Variants in TYW1 observed in about 807,000 individuals in gnomAD.
The protein encoded by TYW1 is S-adenosyl-L-methionine-dependent tRNA 4-demethylwyosine synthase TYW1.
In TYW1, 46 loss-of-function variants were observed where a neutral mutation model predicts 96.2. The ratio of observed to expected loss-of-function variants is 0.48; its 90% confidence interval spans 0.38 to 0.61. The LOEUF is 0.61. TYW1 is among the 20% of genes least tolerant of loss of function. The probability of loss-of-function intolerance (pLI) is 0.00; values close to 1 mark genes in which losing one functional copy is unlikely to be tolerated. For synonymous variants in TYW1, 274 were observed against 323.0 expected (o/e 0.85, Z 1.63); for missense variants, 684 against 909.6 (o/e 0.75, Z 3.19).
chr7:67,010,641 A>G (rs1410064096), intron 4 of TYW1, among the ~76,000 whole-genome samples: 1 of 151,684 alleles, frequency 6.6e-6, no homozygotes, highest in East Asian at 2.0e-4. Context: ...ACACCCGACA[A>G]ATTTTTTGTA....
chr7:67,226,209 T>C lies in TYW1; in HGVS notation c.1978-12099T>C, dbSNP rs185551980. Among the ~76,000 whole-genome samples the C allele has an allele frequency of 3.2e-3, 489 of 152,288 alleles. 5 individuals carry two copies. Among genetic ancestry groups the C allele is most frequent in the East Asian group, 5.4e-3 (28 of 5,180 alleles). On this transcript the variant is annotated intron_variant, in intron 15 of 15. Transcript: ENST00000359626. ...ACTTTGGGAGGAATTTAGTTTATAG[T>C]TTATAATTTAAAACAAAGATGATAA...
At chr7:67,070,501 G>A (rs1382510952) in intron 10 of TYW1, among the ~76,000 whole-genome samples, 1 of 151,844 alleles carries the variant, frequency 6.6e-6, no homozygotes, top group Non-Finnish European at 1.5e-5. Flanking sequence ...CTTCACTGAG[G>A]TTTTTCTTTG....
chr7:67,003,889 C>A (rs1376838942), intron 3 of TYW1, among the ~76,000 whole-genome samples: 1 of 151,508 alleles, frequency 6.6e-6, no homozygotes, highest in Non-Finnish European at 1.5e-5. Context: ...CTAAAAAATA[C>A]AAAAATTAGC....
At chr7:67,098,509 T>C (rs748367547) in intron 11 of TYW1, 32 bp from the exon 12 acceptor site, 3 of 1,520,404 alleles carry the variant, frequency 2.0e-6, no homozygotes, top group East Asian at 2.3e-5. Flanking sequence ...CTGTGCCTTA[T>C]GTAGCTGGGT....
intron 15 of TYW1, among the ~76,000 whole-genome samples, chr7:67,209,539 G>GT (rs1800927120): frequency 6.6e-6 from 1 of 152,030 alleles, no homozygotes; most frequent in Admixed American, 6.6e-5. Flanking sequence ...ACATAGCAGT[G>GT]TTTCAAAACT....
chr7:67,231,552 T>C (rs1801748521), intron 15 of TYW1, among the ~76,000 whole-genome samples: 2 of 152,248 alleles, frequency 1.3e-5, no homozygotes, highest in Non-Finnish European at 2.9e-5. Context: ...ACGCATTTGA[T>C]TTGGATATAG....
rs564630098 is a variant in TYW1, at chr7:67,082,989, T to A, written c.1275-441T>A. Among the ~76,000 whole-genome samples, 176 of 149,482 alleles carry A rather than the reference T, an allele frequency of 1.2e-3. 1 individual carries two copies. Among genetic ancestry groups the A allele is most frequent in the African/African-American group, 4.2e-3 (170 of 40,818 alleles). ...GGTCCCAGGTGGAGGTTCTTGTCCTTTCCCCAGGCCTGCATCAGGAGAAAC... is the reference window on the plus strand; with the variant it reads ...GGTCCCAGGTGGAGGTTCTTGTCCTATCCCCAGGCCTGCATCAGGAGAAAC... On this transcript the variant is annotated intron_variant, in intron 10 of 15. Transcript: ENST00000359626.
At chr7:67,135,771 G>A (rs891871340) in intron 13 of TYW1, among the ~76,000 whole-genome samples, 1 of 152,154 alleles carries the variant, frequency 6.6e-6, no homozygotes, top group Non-Finnish European at 1.5e-5. Flanking sequence ...AGTTCCTTGT[G>A]TCTGACCTGG....
chr7:67,041,625 G>T (rs530018308), intron 7 of TYW1, among the ~76,000 whole-genome samples: 2 of 152,084 alleles, frequency 1.3e-5, no homozygotes, highest in African/African-American at 2.4e-5. Flanking sequence ...TTTGGGGCTG[G>T]CTCACACATT....
chr7:67,213,323 G>A (rs1322606734), intron 15 of TYW1, among the ~76,000 whole-genome samples: 1 of 152,168 alleles, frequency 6.6e-6, no homozygotes. Context: ...TCATGCCACT[G>A]TGCCTGGCTT....
intron 15 of TYW1, among the ~76,000 whole-genome samples, chr7:67,214,817 G>C (rs574776689): frequency 6.8e-6 from 1 of 146,596 alleles, no homozygotes; most frequent in South Asian, 2.2e-4. Context: ...ATTGATTTTT[G>C]AATGTTGAAC....
At chr7:67,193,415 C>T (rs1186208924) in intron 14 of TYW1, among the ~76,000 whole-genome samples, 1 of 152,094 alleles carries the variant, frequency 6.6e-6, no homozygotes, top group Non-Finnish European at 1.5e-5. Context: ...CATCCAAGTC[C>T]CAGCTCTGTC....
intron 3 of TYW1, among the ~76,000 whole-genome samples, chr7:66,999,423 C>T (rs1240271754): frequency 1.2e-4 from 19 of 152,066 alleles, no homozygotes; most frequent in African/African-American, 3.9e-4. Context: ...GGCACGATCT[C>T]GGCTCACTGC....
intron 13 of TYW1, among the ~76,000 whole-genome samples, chr7:67,152,248 G>A (rs1338405486): frequency 6.6e-6 from 1 of 152,064 alleles, no homozygotes; most frequent in Admixed American, 6.6e-5. Flanking sequence ...GAAAAAGTTA[G>A]CTGACCCCTG....
intron 13 of TYW1, among the ~76,000 whole-genome samples, chr7:67,175,400 A>G (rs1799641076): frequency 6.6e-6 from 1 of 152,044 alleles, no homozygotes; most frequent in African/African-American, 2.4e-5. Context: ...CGAACTCCCA[A>G]CCTCAGGTGA....
intron 5 of TYW1, among the ~76,000 whole-genome samples, chr7:67,017,501 T>C (rs1449701327): frequency 1.3e-5 from 2 of 152,212 alleles, no homozygotes; most frequent in Non-Finnish European, 2.9e-5. Flanking sequence ...TTTGTTACAT[T>C]TTTGGAACTC....
chr7:67,228,066 G>A (rs993995755), intron 15 of TYW1, among the ~76,000 whole-genome samples: 1 of 152,198 alleles, frequency 6.6e-6, no homozygotes, highest in African/African-American at 2.4e-5. Context: ...ACTGCAATGT[G>A]GGAGTAGCTC....
At chr7:67,111,944 A>G (rs1027880142) in intron 12 of TYW1, among the ~76,000 whole-genome samples, 8 of 151,858 alleles carry the variant, frequency 5.3e-5, no homozygotes, top group African/African-American at 1.9e-4. Flanking sequence ...TAAAAATTCA[A>G]AAAAATTGGC....
At chr7:67,179,520 C>T (rs903804911) in intron 13 of TYW1, among the ~76,000 whole-genome samples, 1 of 134,988 alleles carries the variant, frequency 7.4e-6, no homozygotes, top group Middle Eastern at 3.7e-3. Flanking sequence ...ACCTTCGTAT[C>T]TGTAAAGTGA....
Sources: allele counts gnomAD v4.1 joint callset (sites outside exome capture counted in the v4.1 genomes callset), GRCh38; gene constraint gnomAD v4.1.1; transcripts MANE v1.5; gene names NCBI Gene and HGNC (gene_info 2026-07-23, HGNC 2026-07-21).